Variants in WDR90 observed in about 807,000 individuals in gnomAD.
The protein encoded by WDR90 is WD repeat domain 90.
A neutral mutation model predicts 195.2 loss-of-function variants in WDR90; 238 were observed. That is an observed-to-expected ratio of 1.22 (90% CI 1.10 to 1.36). The LOEUF is 1.36. WDR90 is among the 40% of genes most tolerant of loss of function. The probability of loss-of-function intolerance (pLI) is 0.00; values close to 1 mark genes in which losing one functional copy is unlikely to be tolerated. For synonymous variants in WDR90, 1,265 were observed against 1,052.4 expected (o/e 1.20, Z -3.91); for missense variants, 2,734 against 2,439.5 (o/e 1.12, Z -2.54).
chr16:659,029 G>A lies in WDR90; in HGVS notation c.3011+18G>A, dbSNP rs1382239012. 4 of 1,613,066 alleles carry A rather than the reference G, an allele frequency of 2.5e-6. No individual in the cohort carries two copies. In the South Asian group the frequency reaches 3.3e-5, roughly 13 times the overall value. ...ACTGAGAGGCAAGTGCCTACTCTCAGCTGTGTCTGCCTAGGCCCCCCAGGC... is the reference window on the plus strand; with the variant it reads ...ACTGAGAGGCAAGTGCCTACTCTCAACTGTGTCTGCCTAGGCCCCCCAGGC... On this transcript the variant is annotated intron_variant, in intron 24 of 40. Transcript: ENST00000293879.
rs2037669498 is a variant in WDR90, at chr16:652,619, T to C, written c.1122+84T>C. On this transcript the variant is annotated intron_variant, in intron 10 of 40. Coordinates refer to ENST00000293879, the MANE Select transcript of WDR90 (RefSeq NM_145294.5). ...ACAGAACGGGGAGAGAGGAGAGACC[T>C]ATGTCCTGTGGTGGCTGTGTGTGGG... is the stretch of plus-strand genomic sequence containing the variant. 5 of 1,398,412 alleles carry C rather than the reference T, an allele frequency of 3.6e-6. No individual in the cohort carries two copies. In the South Asian group the frequency reaches 8.3e-5, roughly 23 times the overall value. 86.6% of individuals were successfully genotyped at this position (1,398,412 alleles called of 1,614,324 possible).
At chr16:662,419 AGGCCGCCCTGCAGACC>A (rs1314879989) in intron 33 of WDR90, 88 bp downstream of exon 33, 22 of 1,477,138 alleles carry the variant, frequency 1.5e-5, no homozygotes, top group Non-Finnish European at 2.0e-5. Flanking sequence ...GCCCCCGCAA[AGGCCGCCCTGCAGACC>A]GGCCGCCTGC....
chr16:667,556 C>T lies in WDR90; in HGVS notation c.5214C>T (p.Asn1738=), dbSNP rs750003679. 9.9e-6 allele frequency: 16 copies of T among 1,610,920 alleles called. No homozygotes were observed. The highest frequency in any genetic ancestry group is 8.8e-5 in the South Asian group (8 of 91,080). Residue 1738 remains asparagine (N), a synonymous_variant, in exon 41 of 41, where the codon AAC becomes AAT. Coordinates refer to ENST00000293879, the MANE Select transcript of WDR90 (RefSeq NM_145294.5). The part of the protein sequence containing the change: ...SARLLFTAAR[N]EILVWEVPGL ...GGCTGCTCTTCACGGCCGCCCGCAA[C>T]GAGATCCTTGTGTGGGAGGTCCCCG...
chr16:653,950 G>A, intron 13 of WDR90, 147 bp downstream of exon 13: 2 of 1,004,528 alleles, frequency 2.0e-6, no homozygotes, highest in Non-Finnish European at 2.9e-6. Context: ...CCTGCACTCT[G>A]GTGTTCATGC....
intron 35 of WDR90, 55 bp downstream of exon 35, chr16:665,856 C>T: frequency 1.3e-6 from 2 of 1,552,266 alleles, no homozygotes; most frequent in Admixed American, 3.6e-5. Context: ...CAGTGGGGGG[C>T]CTGGCATGGG....
rs369094869 is a variant in WDR90, at chr16:657,138, G to A, written c.2390G>A (p.Arg797His). Residue 797 changes from arginine to histidine, a missense_variant, in exon 20 of 41, where the codon CGC (arginine) becomes CAC (histidine). Arg to His is a conservative substitution (Grantham distance 29). Coordinates refer to ENST00000293879, the MANE Select transcript of WDR90 (RefSeq NM_145294.5). ...VTGLTATPDGRLLFSSCSQGS... is the reference protein window; with the variant it reads ...VTGLTATPDGHLLFSSCSQGS... ...GGCCTGACCGCCACCCCTGACGGCC[G>A]CCTGCTCTTCAGCTCCTGCTCCCAG... 9.4e-5 allele frequency: 149 copies of A among 1,577,256 alleles called. 1 individual carries two copies. The Middle Eastern group carries it at 1.5e-3, about 16-fold the overall frequency.
At chr16:656,170 C>T (rs2037749470) in intron 17 of WDR90, 132 bp from the exon 18 acceptor site, 2 of 921,452 alleles carry the variant, frequency 2.2e-6, no homozygotes, top group Non-Finnish European at 3.3e-6. Context: ...GGAGCTGCAT[C>T]TTGCAGCCGT....
At chr16:666,150 G>A (rs1219681264) in intron 36 of WDR90, 26 bp downstream of exon 36, 7 of 1,605,946 alleles carry the variant, frequency 4.4e-6, no homozygotes, top group Non-Finnish European at 6.0e-6. Flanking sequence ...TGTTGGGGAT[G>A]GTGCCGTCCT....
rs2038151324 is a variant in WDR90 at position 667,705 on chromosome 16, C to A, written c.*116C>A. Reference sequence around the variant, plus strand: ...CCTCATGCTGGGACAGGCCAGGATTCACGTAAATCGCCTGGAGCAAGCTGT... The same window carrying A: ...CCTCATGCTGGGACAGGCCAGGATTAACGTAAATCGCCTGGAGCAAGCTGT... On this transcript the variant is annotated 3_prime_UTR_variant, in exon 41 of 41. Coordinates refer to ENST00000293879, the MANE Select transcript of WDR90 (RefSeq NM_145294.5). 4.7e-6 allele frequency: 7 copies of A among 1,487,982 alleles called. No homozygotes were observed. The highest frequency in any genetic ancestry group is 1.2e-5 in the South Asian group (1 of 84,428). 92.2% of individuals were successfully genotyped at this position (1,487,982 alleles called of 1,614,324 possible).
intron 29 of WDR90, 81 bp downstream of exon 29, chr16:661,253 C>T (rs953694213): frequency 2.2e-5 from 33 of 1,527,898 alleles, no homozygotes; most frequent in Non-Finnish European, 2.6e-5. Flanking sequence ...TGCGGGTTCT[C>T]ACCACCAAAG....
In WDR90 at chr16:662,737, G is replaced by A. The variant is rs778885039; in HGVS notation, c.4204G>A (p.Asp1402Asn). Residue 1402 changes from aspartate (D) to asparagine (N), a missense_variant, in exon 34 of 41, where the codon GAT becomes AAT. Physicochemically the swap from Asp to Asn is conservative, Grantham distance 23. Transcript: ENST00000293879. ...CGGGGCTGTGGTGAGTGCCAGCTTC[G>A]ATGACAGCGTGGACATGGGCGTCGT... is the stretch of plus-strand genomic sequence containing the variant. Reference protein sequence around the residue: ...LDGAVVSASFDDSVDMGVVGT... With the variant: ...LDGAVVSASFNDSVDMGVVGT... 18 of 1,597,942 alleles carry A rather than the reference G, an allele frequency of 1.1e-5. No homozygotes were observed. Among genetic ancestry groups the A allele is most frequent in the Admixed American group, 3.4e-5 (2 of 59,316 alleles).
intron 26 of WDR90, among the ~76,000 whole-genome samples, chr16:659,589 C>T (rs919251429): frequency 6.6e-6 from 1 of 152,180 alleles, no homozygotes; most frequent in Non-Finnish European, 1.5e-5. Flanking sequence ...ATGGGGGCAG[C>T]TTTTCCTCTC....
rs1337540866 is a variant in WDR90, at chr16:650,608, TG to T, written c.460del (p.Val154SerfsTer3). 6 of 1,612,672 alleles carry T rather than the reference TG, an allele frequency of 3.7e-6. No homozygotes were observed. In the African/African-American group the frequency reaches 6.7e-5, roughly 18 times the overall value. ...CLQLDLQDVL[L>X]VYLNRCYGHL... ...CAGCTCGATCTGCAGGACGTTCTCC[TG>T]GTCTACCTGAACCGGTGCTACGGCC... On this transcript the variant is annotated frameshift_variant, in exon 5 of 41. Transcript: ENST00000293879. LOFTEE classifies it high-confidence loss of function.
At chr16:662,918 C>A in intron 34 of WDR90, 74 bp downstream of exon 34, 1 of 1,527,284 alleles carries the variant, frequency 6.5e-7, no homozygotes, top group Non-Finnish European at 8.8e-7. Context: ...GCTCCATCTC[C>A]ACCAGCCCAG....
chr16:655,279 G>A (rs754678389), intron 14 of WDR90, 28 bp from the exon 15 acceptor site: 10 of 1,609,104 alleles, frequency 6.2e-6, no homozygotes, highest in Admixed American at 3.3e-5. Flanking sequence ...TGCGAGCTGC[G>A]GCAGTGCTCA....
At position 662,263 on chromosome 16, in the gene WDR90, C is replaced by T. The variant is rs909828516; in HGVS notation, c.4077C>T (p.Ser1359=). 5 of 1,585,146 alleles carry T rather than the reference C, an allele frequency of 3.2e-6. No homozygotes were observed. The highest frequency in any genetic ancestry group is 3.6e-5 in the Admixed American group (2 of 55,938). The change falls in exon 33 of 41, where the codon AGC becomes AGT. Residue 1359 remains serine, a synonymous_variant. Coordinates refer to ENST00000293879, the MANE Select transcript of WDR90 (RefSeq NM_145294.5). The part of the protein sequence containing the change: ...FSGSRLVSGS[S]TGRLRLWAVG... ...GTTCTCGATTGGTCAGCGGCAGCAG[C>T]ACGGGGCGGCTGCGCCTGTGGGCCG... is the stretch of plus-strand genomic sequence containing the variant.
Position 661,992 on chromosome 16 carries a change from G to T in WDR90, c.3966G>T (p.Gln1322His). 1 of 1,605,370 alleles carries T rather than the reference G, an allele frequency of 6.2e-7. No homozygotes were observed. The change falls in exon 32 of 41, where the codon CAG becomes CAT. Residue 1322 changes from glutamine to histidine, a missense_variant. Physicochemically the swap from Gln to His is conservative, Grantham distance 24 (BLOSUM62 0). Transcript: ENST00000293879. ...PLLYCGTSSG[Q>H]VCVWDTRAGR... ...TCTATTGTGGCACCAGCTCTGGCCA[G>T]GTCTGTGTCTGGGACACGCGTGCCG...
In WDR90 at chr16:658,531, G is replaced by A. The variant is rs2037811441; in HGVS notation, c.2773G>A (p.Gly925Ser). The change falls in exon 23 of 41, where the codon GGT becomes AGT. Residue 925 changes from glycine (G) to serine (S), a missense_variant. Transcript: ENST00000293879. ...CAAGAGCACTGTGTTCCAGCTGCCC[G>A]GTGTCCACCCTGAGCCCTGCCCCTC... ...VSGRIIRELPGVHPEPCPSLT... is the reference protein window; with the variant it reads ...VSGRIIRELPSVHPEPCPSLT... 5.6e-6 allele frequency: 9 copies of A among 1,609,538 alleles called. No homozygotes were observed. The highest frequency in any genetic ancestry group is 3.3e-4 in the Middle Eastern group (2 of 6,078).
chr16:652,578 G>T (rs1328976194), intron 10 of WDR90, 43 bp downstream of exon 10: 2 of 1,563,560 alleles, frequency 1.3e-6, no homozygotes. Flanking sequence ...CTCGTTGGCC[G>T]GCTCGAGCGC....
Sources: allele counts gnomAD v4.1 joint callset (sites outside exome capture counted in the v4.1 genomes callset), GRCh38; gene constraint gnomAD v4.1.1; transcripts MANE v1.5; gene names NCBI Gene and HGNC (gene_info 2026-07-23, HGNC 2026-07-21).